The following AP1B1 variants were observed in gnomAD, a reference collection of about 807,000 sequenced individuals.
AP1B1 encodes the protein AP-1 complex subunit beta-1.
A neutral mutation model predicts 104.3 loss-of-function variants in AP1B1; 36 were observed. The observed-to-expected ratio is 0.35, with a 90% CI of 0.26 to 0.46. AP1B1 has a LOEUF of 0.46. Among genes scored for constraint, AP1B1 ranks in the 20% least tolerant of loss-of-function variants. The pLI is 1.00. For missense variants in AP1B1, 901 were observed against 1,247.9 expected (o/e 0.72, Z 4.19); for synonymous variants, 504 against 517.5 (o/e 0.97, Z 0.35).
intron 3 of AP1B1, among the ~76,000 whole-genome samples, chr22:29,360,541 G>A (rs560899429): frequency 5.3e-5 from 8 of 152,248 alleles, no homozygotes; most frequent in South Asian, 2.1e-4. Context: ...TCTGGCACCC[G>A]GTAAGAACCA....
chr22:29,358,917 A>G lies in AP1B1; in HGVS notation c.334T>C (p.Cys112Arg). ...IRALAVRTMGCIRVDKITEYL... is the reference protein window; with the variant it reads ...IRALAVRTMGRIRVDKITEYL... ...TCTGTGATCTTGTCAACGCGGATGC[A>G]GCCCATGGTCCGCACTGCCAGGGCT... The change falls in exon 5 of 23, where the codon TGC becomes CGC. Residue 112 changes from cysteine to arginine, a missense_variant. Cys to Arg is a radical substitution (Grantham distance 180). Coordinates refer to ENST00000357586, the MANE Select transcript of AP1B1 (RefSeq NM_001127.4). 1 of 1,612,950 alleles carries G rather than the reference A, an allele frequency of 6.2e-7. No individual in the cohort carries two copies. The highest frequency in any genetic ancestry group is 8.5e-7 in the Non-Finnish European group (1 of 1,179,612).
In AP1B1 at chr22:29,331,332, C is replaced by A. The variant is rs553002100; in HGVS notation, c.2524+117G>T. The stretch of plus-strand genomic sequence containing the variant: ...GGCCCTGCAGGGAAGCAGCAACTCC[C>A]CGACTCCATTTACGGGCAAGGCAGT... On this transcript the variant is annotated intron_variant, in intron 19 of 22. Transcript: ENST00000357586. 204 of 1,038,810 alleles carry A rather than the reference C, an allele frequency of 2.0e-4. 1 individual carries two copies. In the African/African-American group the frequency reaches 3.0e-3, roughly 15 times the overall value. 64.3% of individuals were successfully genotyped at this position (1,038,810 alleles called of 1,614,324 possible). A position where few individuals can be genotyped will look rare whatever the true frequency, so the allele number is the denominator to read the frequency against.
chr22:29,355,477 A>G (rs1344650078), intron 6 of AP1B1, among the ~76,000 whole-genome samples: 1 of 152,042 alleles, frequency 6.6e-6, no homozygotes, highest in Non-Finnish European at 1.5e-5. Context: ...ACAAACAAAC[A>G]AACATGTTTT....
intron 1 of AP1B1, among the ~76,000 whole-genome samples, chr22:29,370,323 T>G (rs1011138785): frequency 4.0e-5 from 6 of 151,694 alleles, no homozygotes; most frequent in African/African-American, 1.5e-4. Context: ...CGTGGTGGCA[T>G]GTGCCTGTAG....
At chr22:29,351,660 T>C (rs202087980) in intron 8 of AP1B1, 45 bp downstream of exon 8, 6 of 1,604,290 alleles carry the variant, frequency 3.7e-6, no homozygotes, top group Non-Finnish European at 5.1e-6. Context: ...GGTGGTGGAA[T>C]GGTCCCACAC....
chr22:29,339,215 T>TAA, intron 15 of AP1B1, 82 bp from the exon 16 acceptor site: 1 of 1,539,378 alleles, frequency 6.5e-7, no homozygotes. Context: ...GCCACCTGGC[T>TAA]CTTTAGAAGA....
Position 29,366,938 on chromosome 22 carries a change from T to C in AP1B1, c.37+269A>G, listed in dbSNP as rs191899568. On this transcript the variant is annotated intron_variant, in intron 2 of 22. Transcript: ENST00000357586. ...GTTTTCTTTCCCCTGGAAAAAAACA[T>C]AATTATTTTAAGCCATGGGAAATAA... 8.6e-5 allele frequency among the ~76,000 whole-genome samples: 13 copies of C among 151,472 alleles called. No individual in the cohort carries two copies. The East Asian group carries it at 1.7e-3, about 20-fold the overall frequency.
At chr22:29,335,940 C>G (rs2061631882) in intron 16 of AP1B1, among the ~76,000 whole-genome samples, 1 of 152,218 alleles carries the variant, frequency 6.6e-6, no homozygotes, top group Non-Finnish European at 1.5e-5. Context: ...ATGGCTCTCT[C>G]ATGGACAACT....
At chr22:29,343,141 G>A (rs2061739105) in intron 11 of AP1B1, among the ~76,000 whole-genome samples, 1 of 152,248 alleles carries the variant, frequency 6.6e-6, no homozygotes, top group African/African-American at 2.4e-5. Flanking sequence ...CTTGCTGACT[G>A]AAGAAACATC....
At chr22:29,351,864 G>A in intron 7 of AP1B1, 39 bp from the exon 8 acceptor site, 1 of 1,609,626 alleles carries the variant, frequency 6.2e-7, no homozygotes, top group Non-Finnish European at 8.5e-7. Flanking sequence ...CAAAAAACAA[G>A]GCTTAAGCCC....
rs140320827 is a variant in AP1B1, at chr22:29,363,024, C to T, written c.120G>A (p.Ser40=). The T allele has an allele frequency of 1.5e-4, 244 of 1,610,620 alleles. No individual in the cohort carries two copies. Among genetic ancestry groups the T allele is most frequent in the Non-Finnish European group, 2.0e-4 (236 of 1,176,972 alleles). ...KKEAVKKVIA[S]MTVGKDVSAL... ...ACCTGACATCTTTGCCCACGGTCAT[C>T]GATGCAATCACTTTCTTCACTGCCT... The change falls in exon 3 of 23, where the codon TCG becomes TCA. Residue 40 remains serine, a synonymous_variant. Coordinates refer to ENST00000357586, the MANE Select transcript of AP1B1 (RefSeq NM_001127.4).
At chr22:29,359,987 G>GCT (rs768780581) in intron 3 of AP1B1, 28 bp from the exon 4 acceptor site, 2 of 1,605,648 alleles carry the variant, frequency 1.2e-6, no homozygotes, top group African/African-American at 2.7e-5. Context: ...TGTCAGCATG[G>GCT]GAAAGGCTGA....
intron 7 of AP1B1, 45 bp from the exon 8 acceptor site, chr22:29,351,870 A>G (rs535276110): frequency 1.2e-6 from 2 of 1,605,400 alleles, no homozygotes; most frequent in East Asian, 2.2e-5. Context: ...ACAAGGCTTA[A>G]GCCCTGTGAG....
chr22:29,359,855 A>G lies in AP1B1; in HGVS notation c.248T>C (p.Met83Thr). 1.2e-6 allele frequency: 2 copies of G among 1,614,094 alleles called. No individual in the cohort carries two copies. The highest frequency in any genetic ancestry group is 1.7e-6 in the Non-Finnish European group (2 of 1,179,984). Residue 83 changes from methionine (M) to threonine (T), a missense_variant, in exon 4 of 23, where the codon ATG (methionine) becomes ACG (threonine). Met to Thr is a moderately conservative substitution (Grantham distance 81, BLOSUM62 -1). This residue lies in a region of AP1B1 where 471 missense variants were observed against 696.7 expected (regional missense o/e 0.68). Coordinates refer to ENST00000357586, the MANE Select transcript of AP1B1 (RefSeq NM_001127.4). ...AAAGGTGTTGACGGCCATAATGGCC[A>G]TGTCAGGCTGACTCTTGGCGTAATT... Reference protein sequence around the residue: ...LMNYAKSQPDMAIMAVNTFVK... With the variant: ...LMNYAKSQPDTAIMAVNTFVK...
chr22:29,359,276 G>A (rs1053017837), intron 4 of AP1B1, among the ~76,000 whole-genome samples: 2 of 152,144 alleles, frequency 1.3e-5, no homozygotes, highest in African/African-American at 4.8e-5. Context: ...GAGCAGAGCC[G>A]TGATTCAAAC....
rs138572174 is a variant in AP1B1, at chr22:29,354,757, G to A, written c.831C>T (p.Tyr277=). 2.6e-5 allele frequency: 42 copies of A among 1,614,074 alleles called. No individual in the cohort carries two copies. The highest frequency in any genetic ancestry group is 1.8e-4 in the East Asian group (8 of 44,860). The part of the protein sequence containing the change: ...MEMLSKDLDY[Y]GTLLKKLAPP... ...GGGCCAGCTTCTTGAGCAGTGTGCC[G>A]TAGTAGTCCAAGTCCTTAGACAACA... Residue 277 remains tyrosine (Y), a synonymous_variant, in exon 7 of 23, where the codon TAC becomes TAT. Transcript: ENST00000357586.
intron 1 of AP1B1, among the ~76,000 whole-genome samples, chr22:29,382,378 T>C (rs1178539429): frequency 6.6e-6 from 1 of 152,218 alleles, no homozygotes; most frequent in Non-Finnish European, 1.5e-5. Context: ...GGTATTTCTC[T>C]GTCCACATCC....
intron 1 of AP1B1, among the ~76,000 whole-genome samples, chr22:29,378,560 A>C (rs1479048462): frequency 6.7e-6 from 1 of 149,148 alleles, no homozygotes; most frequent in African/African-American, 2.5e-5. Flanking sequence ...ATCAAAAAAA[A>C]AAAAAAAAAA....
intron 16 of AP1B1, 138 bp from the exon 17 acceptor site, chr22:29,334,548 G>A: frequency 1.1e-6 from 1 of 946,648 alleles, no homozygotes; most frequent in South Asian, 1.8e-5. Context: ...TTTACTGCTA[G>A]GGGATGAACA....
Sources: gnomAD v4.1 joint callset for allele counts (sites outside exome capture counted in the v4.1 genomes callset) on GRCh38, gnomAD v4.1.1 for gene constraint, gnomAD v4.1.1 regional missense constraint, MANE v1.5 for transcripts, NCBI Gene and HGNC (gene_info 2026-07-23, HGNC 2026-07-21) for gene names.